Variants in GLMN observed in about 807,000 individuals in gnomAD.
GLMN encodes glomulin, FKBP associated protein.
GLMN carries 75 observed loss-of-function variants against 87.8 expected under a neutral mutation model. That is an observed-to-expected ratio of 0.85 (90% confidence interval 0.71 to 1.04). The LOEUF (loss-of-function observed/expected upper bound fraction) is 1.04. GLMN is among the 50% of genes least tolerant of loss of function. GLMN has a pLI of 0.00. For missense variants in GLMN, 588 were observed against 658.8 expected, an observed-to-expected ratio of 0.89 and a Z score of 1.18; for synonymous variants, 206 against 221.6, an observed-to-expected ratio of 0.93 and a Z score of 0.63.
chr1:92,324,734 G>GT, the GLMN span, among the ~76,000 whole-genome samples: 1 of 152,158 alleles, frequency 6.6e-6, no homozygotes, highest in Non-Finnish European at 1.5e-5. Flanking sequence ...TGGGGTCTGT[G>GT]TGTGTGTGTT....
rs908152657 is a variant in GLMN at position 92,266,836 on chromosome 1, A to G, written c.1099-95T>C. 8 of 793,436 alleles carry G rather than the reference A, an allele frequency of 1.0e-5. No homozygotes were observed. The South Asian group carries it at 1.3e-4, about 13-fold the overall frequency. The allele number at this position is 793,436 out of a possible 1,614,324, so 49.1% of individuals were successfully genotyped here. ...CATCAATAGGATACTAAAAATTCAG[A>G]GAAGTGAGGGTAGGAGATTTAAAAG... On this transcript the variant is annotated intron_variant, in intron 11 of 18. Coordinates refer to ENST00000370360, the MANE Select transcript of GLMN (RefSeq NM_053274.3).
intron 7 of GLMN, among the ~76,000 whole-genome samples, chr1:92,285,284 A>T (rs1487752888): frequency 6.6e-6 from 1 of 152,226 alleles, no homozygotes; most frequent in Admixed American, 6.5e-5. Context: ...CTATGCAGCC[A>T]TTAAAAAGGA....
At chr1:92,331,183 A>AT in the GLMN span, among the ~76,000 whole-genome samples, 1 of 152,206 alleles carries the variant, frequency 6.6e-6, no homozygotes, top group African/African-American at 2.4e-5. Context: ...ATTGAAACTC[A>AT]TATCACTATG....
rs922412874 is a variant in GLMN at position 92,262,758 on chromosome 1, A to G, written c.1473+105T>C. On this transcript the variant is annotated intron_variant, in intron 16 of 18. Coordinates refer to ENST00000370360, the MANE Select transcript of GLMN (RefSeq NM_053274.3). ...ATTGTTGGCACTCTTCCCGGCCTTT[A>G]TATCTGGGTAAGATATTAAATATTG... The G allele has an allele frequency of 1.6e-5, 10 of 630,862 alleles. No homozygotes were observed. In the Middle Eastern group the frequency reaches 7.8e-4, roughly 49 times the overall value. 39.1% of individuals were successfully genotyped at this position (630,862 alleles called of 1,614,324 possible). A position where few individuals can be genotyped will look rare whatever the true frequency, so the allele number is the denominator to read the frequency against.
the GLMN span, among the ~76,000 whole-genome samples, chr1:92,328,158 T>A: frequency 5.3e-5 from 8 of 152,220 alleles, no homozygotes; most frequent in African/African-American, 1.9e-4. Flanking sequence ...TATGATGAGT[T>A]TCCCAGGTGT....
intron 6 of GLMN, among the ~76,000 whole-genome samples, chr1:92,287,346 T>TA (rs1300176406): frequency 6.6e-6 from 1 of 152,180 alleles, no homozygotes; most frequent in Admixed American, 6.5e-5. Flanking sequence ...TTATAAATGG[T>TA]AAAAAACTTT....
chr1:92,315,050 A>C, the GLMN span, among the ~76,000 whole-genome samples: 1 of 152,208 alleles, frequency 6.6e-6, no homozygotes, highest in Non-Finnish European at 1.5e-5. Flanking sequence ...TCTCAAAATC[A>C]TAAATAAATA....
chr1:92,256,366 C>T (rs1654250160), intron 16 of GLMN, among the ~76,000 whole-genome samples: 1 of 151,906 alleles, frequency 6.6e-6, no homozygotes, highest in African/African-American at 2.4e-5. Flanking sequence ...CTTTTCCAAA[C>T]AATAGAAAAA....
chr1:92,353,182 T>C, the GLMN span, among the ~76,000 whole-genome samples: 1 of 152,228 alleles, frequency 6.6e-6, no homozygotes, highest in Non-Finnish European at 1.5e-5. Flanking sequence ...TGTGAGCATA[T>C]GTTTTATGTT....
rs139743855 is a variant in GLMN, at chr1:92,271,532, T to C, written c.856A>G (p.Met286Val). The change falls in exon 8 of 19, where the codon ATG becomes GTG. Residue 286 changes from methionine (M) to valine (V), a missense_variant. By Grantham distance (21) the Met-to-Val change is conservative. Transcript: ENST00000370360. The stretch of plus-strand genomic sequence containing the variant: ...AATACTAGATATGCCAGAGAAGCCA[T>C]TGAGTCTGCTAACTGTTTATTTTCT... ...EEENKQLADS[M>V]ASLAYLVFVQ... The C allele has an allele frequency of 7.4e-4, 1,201 of 1,612,572 alleles. 3 individuals carry two copies. The highest frequency in any genetic ancestry group is 9.0e-4 in the Non-Finnish European group (1,058 of 1,178,766).
the GLMN span, among the ~76,000 whole-genome samples, chr1:92,367,629 C>T: frequency 6.6e-6 from 1 of 152,226 alleles, no homozygotes; most frequent in Non-Finnish European, 1.5e-5. Context: ...GGTCTCCCTA[C>T]TGCAGCAGAA....
intron 16 of GLMN, among the ~76,000 whole-genome samples, chr1:92,259,431 T>C (rs1012352855): frequency 1.1e-4 from 16 of 152,064 alleles, no homozygotes; most frequent in African/African-American, 3.6e-4. Flanking sequence ...CATGAAATAG[T>C]AGGGTGAGGA....
rs375807401 is a variant in GLMN at position 92,286,600 on chromosome 1, A to G, written c.633-8T>C. ...TTCAAGCTTTTGAAACAACTAAGGC[A>G]TAAGAAATAGGTAACTATGAAATCA... On this transcript the variant is annotated splice_polypyrimidine_tract_variant and splice_region_variant and intron_variant, in intron 6 of 18. Coordinates refer to ENST00000370360, the MANE Select transcript of GLMN (RefSeq NM_053274.3). 3.4e-5 allele frequency: 46 copies of G among 1,367,400 alleles called. No homozygotes were observed. Among genetic ancestry groups the G allele is most frequent in the East Asian group, 2.3e-5 (1 of 43,746 alleles). 84.7% of individuals were successfully genotyped at this position (1,367,400 alleles called of 1,614,324 possible). A position where few individuals can be genotyped will look rare whatever the true frequency, so the allele number is the denominator to read the frequency against.
chr1:92,276,096 A>G (rs539029667), intron 7 of GLMN, among the ~76,000 whole-genome samples: 1 of 152,164 alleles, frequency 6.6e-6, no homozygotes, highest in Admixed American at 6.5e-5. Context: ...ATGCTGGGGT[A>G]TGCCTGTAAG....
At chr1:92,342,748 C>A in the GLMN span, among the ~76,000 whole-genome samples, 1,227 of 152,176 alleles carry the variant, frequency 8.1e-3, 20 homozygotes, top group African/African-American at 0.028. Context: ...TGGTGACTGG[C>A]TGGACATGGG....
At chr1:92,345,379 T>TA in the GLMN span, among the ~76,000 whole-genome samples, 3,715 of 73,638 alleles carry the variant, frequency 0.05, 98 homozygotes, top group Middle Eastern at 0.077. Flanking sequence ...CCCGTTTCTT[T>TA]AAAAAAAAAA....
intron 16 of GLMN, among the ~76,000 whole-genome samples, chr1:92,252,034 G>GT (rs1388814422): frequency 1.3e-5 from 2 of 152,086 alleles, no homozygotes; most frequent in African/African-American, 4.8e-5. Flanking sequence ...CTAACCTCAG[G>GT]TGATCTGCCC....
chr1:92,340,440 T>A, the GLMN span, among the ~76,000 whole-genome samples: 1 of 152,226 alleles, frequency 6.6e-6, no homozygotes, highest in African/African-American at 2.4e-5. Flanking sequence ...CAATCAATAC[T>A]GATAGTGGGA....
At chr1:92,264,178 T>C (rs926093571) in intron 14 of GLMN, among the ~76,000 whole-genome samples, 2 of 152,068 alleles carry the variant, frequency 1.3e-5, no homozygotes, top group Non-Finnish European at 2.9e-5. Flanking sequence ...CCAGGCGCAC[T>C]GGTGGACACC....
Sources: allele counts gnomAD v4.1 joint callset (sites outside exome capture counted in the v4.1 genomes callset), GRCh38; gene constraint gnomAD v4.1.1; transcripts MANE v1.5; gene names NCBI Gene and HGNC (gene_info 2026-07-23, HGNC 2026-07-21).